Variants in STX8 observed in about 807,000 individuals in gnomAD.
STX8 encodes the protein syntaxin-8.
STX8 carries 23 observed loss-of-function variants against 37.5 expected under a neutral mutation model. The observed-to-expected ratio is 0.61, with a 90% CI of 0.44 to 0.87. The LOEUF is 0.87. STX8 is among the 40% of genes least tolerant of loss of function. The pLI, the probability that STX8 is intolerant of heterozygous loss-of-function variation, is 0.00. For missense variants in STX8, 313 were observed against 284.7 expected, an observed-to-expected ratio of 1.10 and a Z score of -0.71; for synonymous variants, 115 against 99.1, an observed-to-expected ratio of 1.16 and a Z score of -0.95.
intron 6 of STX8, among the ~76,000 whole-genome samples, chr17:9,405,497 G>A (rs1597651535): frequency 6.6e-6 from 1 of 152,150 alleles, no homozygotes; most frequent in Non-Finnish European, 1.5e-5. Flanking sequence ...CTTGTACAAC[G>A]AAAAGATGAG....
At chr17:9,431,803 T>C (rs1913995879) in intron 6 of STX8, among the ~76,000 whole-genome samples, 1 of 152,198 alleles carries the variant, frequency 6.6e-6, no homozygotes, top group Non-Finnish European at 1.5e-5. Context: ...TGCTGTACTG[T>C]CTCCAAATAC....
intron 7 of STX8, among the ~76,000 whole-genome samples, chr17:9,338,860 A>G (rs554752122): frequency 1.3e-5 from 2 of 152,134 alleles, no homozygotes; most frequent in East Asian, 3.9e-4. Flanking sequence ...TCACAAGGTC[A>G]GGAGATCGAG....
Position 9,295,676 on chromosome 17 carries a change from G to A in STX8, c.644-45031C>T, listed in dbSNP as rs561481167. On this transcript the variant is annotated intron_variant, in intron 7 of 7. Transcript: ENST00000306357. ...GAGAATCACTTGAAACCAGGAGGCA[G>A]AGGTTGCAGTGAGCCAAGATCGCGC... is the stretch of plus-strand genomic sequence containing the variant. 2.6e-5 allele frequency among the ~76,000 whole-genome samples: 4 copies of A among 152,240 alleles called. No individual in the cohort carries two copies. In the East Asian group the frequency reaches 7.8e-4, roughly 30 times the overall value.
At chr17:9,380,004 A>C (rs912964862) in intron 6 of STX8, among the ~76,000 whole-genome samples, 4 of 151,830 alleles carry the variant, frequency 2.6e-5, no homozygotes, top group Admixed American at 6.6e-5. Context: ...TGTGAAATTC[A>C]TTTCTTTTTT....
chr17:9,352,645 G>A (rs1295555166), intron 7 of STX8, among the ~76,000 whole-genome samples: 3 of 149,316 alleles, frequency 2.0e-5, no homozygotes, highest in East Asian at 2.0e-4. Flanking sequence ...GACTACAGGC[G>A]CCCGCCATCA....
chr17:9,549,266 A>G (rs1906670447), intron 3 of STX8, among the ~76,000 whole-genome samples: 1 of 152,226 alleles, frequency 6.6e-6, no homozygotes, highest in African/African-American at 2.4e-5. Flanking sequence ...GATACTAGTT[A>G]CAGATTTAAA....
intron 6 of STX8, among the ~76,000 whole-genome samples, chr17:9,475,047 C>A (rs1025839368): frequency 2.0e-5 from 3 of 152,254 alleles, no homozygotes; most frequent in Middle Eastern, 3.4e-3. Flanking sequence ...AAAATGATTT[C>A]TATAGATACT....
intron 7 of STX8, among the ~76,000 whole-genome samples, chr17:9,370,396 C>T (rs1911366477): frequency 6.6e-6 from 1 of 152,120 alleles, no homozygotes; most frequent in Non-Finnish European, 1.5e-5. Context: ...GGGCAAGCAG[C>T]TCTCTAAGTC....
At chr17:9,349,320 T>C (rs998843838) in intron 7 of STX8, among the ~76,000 whole-genome samples, 30 of 144,208 alleles carry the variant, frequency 2.1e-4, no homozygotes, top group Middle Eastern at 7.0e-3. Context: ...TCTTTTCTTT[T>C]TTTTTTTTTT....
chr17:9,453,487 CTTT>C (rs1168841037), intron 6 of STX8, among the ~76,000 whole-genome samples: 1,424 of 112,162 alleles, frequency 0.013, 15 homozygotes, highest in African/African-American at 0.044. Context: ...CACTACTCAT[CTTT>C]TTTTTTTTTT....
intron 1 of STX8, among the ~76,000 whole-genome samples, chr17:9,571,488 C>G (rs28507590): frequency 0.74 from 109,537 of 148,638 alleles, 41,140 homozygotes; most frequent in East Asian, 0.98. Flanking sequence ...GTAATTGGGT[C>G]GGGGGGTGGC....
chr17:9,276,155 C>T (rs775644151), intron 7 of STX8, among the ~76,000 whole-genome samples: 7 of 152,054 alleles, frequency 4.6e-5, no homozygotes, highest in East Asian at 1.9e-4. Context: ...CAAGTTCAGC[C>T]GATCCACAGG....
chr17:9,389,841 T>C (rs766239317), intron 6 of STX8, among the ~76,000 whole-genome samples: 1 of 152,170 alleles, frequency 6.6e-6, no homozygotes, highest in African/African-American at 2.4e-5. Flanking sequence ...CTATAATTGA[T>C]ATCATACTCA....
intron 3 of STX8, among the ~76,000 whole-genome samples, chr17:9,552,616 CA>C (rs921379189): frequency 2.8e-4 from 42 of 150,892 alleles, no homozygotes; most frequent in African/African-American, 9.7e-4. Context: ...TTTGTTTTTC[CA>C]AAAAATAGAG....
chr17:9,384,126 ATTT>A (rs11288399), intron 6 of STX8, among the ~76,000 whole-genome samples: 3 of 139,548 alleles, frequency 2.1e-5, no homozygotes, highest in African/African-American at 8.2e-5. Context: ...CTCATTTGTT[ATTT>A]TTTTTTTTTT....
intron 7 of STX8, among the ~76,000 whole-genome samples, chr17:9,352,416 T>C (rs1910735969): frequency 6.6e-6 from 1 of 151,892 alleles, no homozygotes; most frequent in Non-Finnish European, 1.5e-5. Flanking sequence ...ATCTTTTTTT[T>C]TTAATATATC....
intron 2 of STX8, among the ~76,000 whole-genome samples, chr17:9,559,760 A>ATTTTTTTTTTTTT (rs60856219): frequency 4.1e-5 from 1 of 24,496 alleles, no homozygotes; most frequent in African/African-American, 1.9e-4. Context: ...ATATATATAT[A>ATTTTTTTTTTTTT]TTTTTTTTTT....
In STX8 at chr17:9,298,968, T is replaced by A. The variant is rs535453946; in HGVS notation, c.644-48323A>T. ...CAAGATGCTTGAGGGGAATTTACAGTCTGTGACCAATTAGCCAGATGCACT... is the reference window on the plus strand; with the variant it reads ...CAAGATGCTTGAGGGGAATTTACAGACTGTGACCAATTAGCCAGATGCACT... On this transcript the variant is annotated intron_variant, in intron 7 of 7. Transcript: ENST00000306357. 2.0e-5 allele frequency among the ~76,000 whole-genome samples: 3 copies of A among 152,300 alleles called. No individual in the cohort carries two copies. In the East Asian group the frequency reaches 5.8e-4, roughly 29 times the overall value.
chr17:9,567,083 T>C (rs570500447), intron 2 of STX8, among the ~76,000 whole-genome samples: 1 of 152,256 alleles, frequency 6.6e-6, no homozygotes, highest in South Asian at 2.1e-4. Flanking sequence ...TCTGTTGATA[T>C]AAGAGAGAGC....
Sources: allele counts gnomAD v4.1 joint callset (sites outside exome capture counted in the v4.1 genomes callset), GRCh38; gene constraint gnomAD v4.1.1; transcripts MANE v1.5; gene names NCBI Gene and HGNC (gene_info 2026-07-23, HGNC 2026-07-21).